The following ZSCAN30 variants were observed in gnomAD, a reference collection of about 807,000 sequenced individuals.
ZSCAN30 encodes the protein zinc finger and SCAN domain containing 30.
A neutral mutation model predicts 44.3 loss-of-function variants in ZSCAN30; 37 were observed. That is an observed-to-expected ratio of 0.84 (90% confidence interval 0.64 to 1.10). The LOEUF (loss-of-function observed/expected upper bound fraction) is 1.10. ZSCAN30 is among the 50% of genes least tolerant of loss of function. ZSCAN30 has a pLI of 0.00. For missense variants in ZSCAN30, 549 were observed against 582.6 expected (o/e 0.94, Z 0.59); for synonymous variants, 181 against 204.6 (o/e 0.88, Z 0.98).
At position 35,253,310 on chromosome 18, in the gene ZSCAN30, T is replaced by C. The variant is rs2043660589; in HGVS notation, c.*140A>G. On this transcript the variant is annotated 3_prime_UTR_variant, in exon 4 of 4. Coordinates refer to ENST00000333206, the MANE Select transcript of ZSCAN30 (RefSeq NM_001112734.4). Reference sequence around the variant, plus strand: ...CTTCAATAATCATAACAAACATCTTTGTGTGCATGTCTTCTTATAGTACCG... The same window carrying C: ...CTTCAATAATCATAACAAACATCTTCGTGTGCATGTCTTCTTATAGTACCG... 2 of 591,262 alleles carry C rather than the reference T, an allele frequency of 3.4e-6. No individual in the cohort carries two copies. The highest frequency in any genetic ancestry group is 5.7e-6 in the Non-Finnish European group (2 of 350,078). The allele number at this position is 591,262 out of a possible 1,614,324, so 36.6% of individuals were successfully genotyped here.
chr18:35,262,443 C>T (rs776284773), intron 3 of ZSCAN30: 1 of 152,208 alleles, frequency 6.6e-6, no homozygotes, highest in African/African-American at 2.4e-5. Context: ...TTCAAATCTA[C>T]GCTTCATTGC....
Position 35,254,310 on chromosome 18 carries a change from T to C in ZSCAN30, c.625A>G (p.Met209Val), listed in dbSNP as rs149603300. Residue 209 changes from methionine to valine, a missense_variant, in exon 4 of 4, where the codon ATG (methionine) becomes GTG (valine). By Grantham distance (21) the Met-to-Val change is conservative (BLOSUM62 1). Transcript: ENST00000333206. ...CCAGGAAGTTTTCCCGGCGATATCA[T>C]AGCTGCTGAGGCTACACATTCAACA... ...EIVECVASAA[M>V]ISPGKLPGET... The C allele has an allele frequency of 3.4e-5, 55 of 1,614,028 alleles. No individual in the cohort carries two copies. The highest frequency in any genetic ancestry group is 5.0e-5 in the Admixed American group (3 of 60,004).
chr18:35,266,882 G>A (rs1283878364), intron 1 of ZSCAN30: 2 of 151,904 alleles, frequency 1.3e-5, no homozygotes, highest in Non-Finnish European at 2.9e-5. Context: ...TAGCCAGGAT[G>A]GTCTCGATCT....
At chr18:35,282,043 T>C (rs1447231381) in intron 1 of ZSCAN30, 1 of 152,170 alleles carries the variant, frequency 6.6e-6, no homozygotes, top group Non-Finnish European at 1.5e-5. Context: ...TGATCTGCAG[T>C]AGTCTTGAAG....
At chr18:35,271,088 G>A (rs1034048907) in intron 1 of ZSCAN30, among the ~76,000 whole-genome samples, 5 of 152,192 alleles carry the variant, frequency 3.3e-5, no homozygotes, top group Admixed American at 6.5e-5. Context: ...CATAAAGGCA[G>A]TGCAGACCCA....
Position 35,253,964 on chromosome 18 carries a change from G to A in ZSCAN30, c.971C>T (p.Thr324Ile). The A allele has an allele frequency of 6.2e-7, 1 of 1,614,174 alleles. No individual in the cohort carries two copies. Among genetic ancestry groups the A allele is most frequent in the African/African-American group, 1.3e-5 (1 of 75,048 alleles). The change falls in exon 4 of 4, where the codon ACT becomes ATT. Residue 324 changes from threonine (T) to isoleucine (I), a missense_variant. Thr to Ile is a moderately conservative substitution (Grantham distance 89). Coordinates refer to ENST00000333206, the MANE Select transcript of ZSCAN30 (RefSeq NM_001112734.4). The stretch of plus-strand genomic sequence containing the variant: ...TTTACATGCATAAGGTCTCTCTCCA[G>A]TATGAATTCTCTGATGTCTAATCAG... ...SKLIRHQRIHTGERPYACKEC... is the reference protein window; with the variant it reads ...SKLIRHQRIHIGERPYACKEC...
At chr18:35,286,969 T>A (rs2044563710) in intron 1 of ZSCAN30, among the ~76,000 whole-genome samples, 1 of 152,090 alleles carries the variant, frequency 6.6e-6, no homozygotes, top group Non-Finnish European at 1.5e-5. Context: ...TTTAACAAAG[T>A]TGCAAGATAC....
intron 3 of ZSCAN30, chr18:35,257,197 T>TA (rs1482285538): frequency 3.9e-5 from 6 of 152,286 alleles, no homozygotes; most frequent in African/African-American, 1.4e-4. Context: ...AAAATCCTTT[T>TA]AACTAGGGAT....
chr18:35,263,282 T>G, intron 3 of ZSCAN30: 1 of 485,550 alleles, frequency 2.1e-6, no homozygotes, highest in Non-Finnish European at 3.6e-6. Context: ...AAAAAAATAA[T>G]TATGGGTATT....
chr18:35,277,030 GA>G (rs1326756438), intron 1 of ZSCAN30, among the ~76,000 whole-genome samples: 2 of 152,202 alleles, frequency 1.3e-5, no homozygotes, highest in Admixed American at 6.5e-5. Context: ...TGTGAGACAT[GA>G]AGTCAAAGGA....
chr18:35,259,931 G>C (rs2043984934), intron 3 of ZSCAN30, among the ~76,000 whole-genome samples: 1 of 152,206 alleles, frequency 6.6e-6, no homozygotes, highest in African/African-American at 2.4e-5. Context: ...AGGTAAATGT[G>C]TGCCATGGTG....
At chr18:35,265,143 G>GAA (rs11454441) in intron 1 of ZSCAN30, among the ~76,000 whole-genome samples, 3 of 133,684 alleles carry the variant, frequency 2.2e-5, no homozygotes, top group South Asian at 2.4e-4. Flanking sequence ...CTCCGCCTCA[G>GAA]AAAAAAAAAA....
At chr18:35,275,703 A>G (rs1895226714) in intron 1 of ZSCAN30, among the ~76,000 whole-genome samples, 1 of 152,152 alleles carries the variant, frequency 6.6e-6, no homozygotes, top group Non-Finnish European at 1.5e-5. Context: ...TACACATTAC[A>G]TATCTTTCCT....
rs772337005 is a variant in ZSCAN30 at position 35,264,175 on chromosome 18, T to G, written c.178A>C (p.Thr60Pro). The G allele has an allele frequency of 1.5e-5, 24 of 1,614,104 alleles. No individual in the cohort carries two copies. In the Admixed American group the frequency reaches 3.7e-4, roughly 25 times the overall value. ...CGGCTCAGAGCCTCCCGAGGGCCAG[T>G]GGAGTCAGAGTAACTAAACTGCCTG... is the stretch of plus-strand genomic sequence containing the variant. ...KFRQFSYSDS[T>P]GPREALSRLR... The change falls in exon 2 of 4, where the codon ACT becomes CCT. Residue 60 changes from threonine (T) to proline (P), a missense_variant. Physicochemically the swap from Thr to Pro is conservative, Grantham distance 38 (BLOSUM62 -1). Coordinates refer to ENST00000333206, the MANE Select transcript of ZSCAN30 (RefSeq NM_001112734.4).
intron 3 of ZSCAN30, chr18:35,258,058 AATGGC>A (rs1190398526): frequency 1.3e-6 from 1 of 772,742 alleles, no homozygotes; most frequent in African/African-American, 1.7e-5. Flanking sequence ...AGGTTGTAAA[AATGGC>A]ATGGTGACTC....
At position 35,254,111 on chromosome 18, in the gene ZSCAN30, G is replaced by T. The variant is rs757994486; in HGVS notation, c.824C>A (p.Ser275Tyr). ...ACTGAAACTTCCTTCACTCTCATGA[G>T]ATTCAAGGACACTGTGTTCTGTGGG... Reference protein sequence around the residue: ...RIPTEHSVLESHESEGSFSMN... With the variant: ...RIPTEHSVLEYHESEGSFSMN... The change falls in exon 4 of 4, where the codon TCT (serine) becomes TAT (tyrosine). Residue 275 changes from serine (S) to tyrosine (Y), a missense_variant. Transcript: ENST00000333206. 2 of 1,613,994 alleles carry T rather than the reference G, an allele frequency of 1.2e-6. No homozygotes were observed. Among genetic ancestry groups the T allele is most frequent in the East Asian group, 4.5e-5 (2 of 44,896 alleles).
At position 35,253,440 on chromosome 18, in the gene ZSCAN30, AC is replaced by A. The variant is rs1211728130; in HGVS notation, c.*9del. On this transcript the variant is annotated 3_prime_UTR_variant, in exon 4 of 4. Transcript: ENST00000333206. The stretch of plus-strand genomic sequence containing the variant: ...TGCATTTCACAATTGTACAACTCTT[AC>A]CCACAGAGTTAAACTCTGGTGTGTG... The A allele has an allele frequency of 6.5e-7, 1 of 1,547,738 alleles. No individual in the cohort carries two copies. Among genetic ancestry groups the A allele is most frequent in the Non-Finnish European group, 8.7e-7 (1 of 1,146,288 alleles).
intron 3 of ZSCAN30, 22 bp from the exon 4 acceptor site, chr18:35,254,403 G>C (rs139232765): frequency 1.2e-6 from 2 of 1,613,852 alleles, no homozygotes; most frequent in South Asian, 2.2e-5. Context: ...AATAGAAAGT[G>C]TAAGTATCAT....
intron 1 of ZSCAN30, among the ~76,000 whole-genome samples, chr18:35,266,446 T>C (rs2044151331): frequency 1.3e-5 from 2 of 152,086 alleles, no homozygotes; most frequent in African/African-American, 4.8e-5. Flanking sequence ...TGACACACCG[T>C]ATAAGGGCTT....
Sources: gnomAD v4.1 joint callset for allele counts (sites outside exome capture counted in the v4.1 genomes callset) on GRCh38, gnomAD v4.1.1 for gene constraint, MANE v1.5 for transcripts, NCBI Gene and HGNC (gene_info 2026-07-23, HGNC 2026-07-21) for gene names.